DPP10: variants seen among roughly 807,000 people sequenced by gnomAD.
DPP10 encodes the protein dipeptidyl peptidase like 10.
In DPP10, 33 loss-of-function variants were observed where a neutral mutation model predicts 120.9. The observed-to-expected ratio is 0.27, with a 90% CI of 0.21 to 0.37. The LOEUF (loss-of-function observed/expected upper bound fraction) is 0.37. Among genes scored for constraint, DPP10 ranks in the 10% least tolerant of loss-of-function variants. The pLI is 1.00. For synonymous variants in DPP10, 337 were observed against 326.1 expected, an observed-to-expected ratio of 1.03 and a Z score of -0.36; for missense variants, 816 against 942.8, an observed-to-expected ratio of 0.87 and a Z score of 1.76.
intron 24 of DPP10, among the ~76,000 whole-genome samples, chr2:115,838,722 A>G (rs1689785120): frequency 6.6e-6 from 1 of 152,156 alleles, no homozygotes; most frequent in Admixed American, 6.5e-5. Context: ...ATCTAATAAA[A>G]TACAAGCAGA....
In DPP10 at chr2:114,686,318, C is replaced by T. The variant is rs544293211; in HGVS notation, c.60+243480C>T. On this transcript the variant is annotated intron_variant, in intron 1 of 25. Coordinates refer to ENST00000410059, the MANE Select transcript of DPP10 (RefSeq NM_020868.6). ...TTTAAAAGGTTAGTGGATTGAGGTA[C>T]ATATGTAAAGTTATCTATTGGTTTG... Among the ~76,000 whole-genome samples the T allele has an allele frequency of 3.1e-4, 47 of 151,942 alleles. 1 individual carries two copies. Among genetic ancestry groups the T allele is most frequent in the African/African-American group, 8.9e-4 (37 of 41,470 alleles).
chr2:115,599,902 A>G (rs1276632440), intron 5 of DPP10, among the ~76,000 whole-genome samples: 1 of 152,076 alleles, frequency 6.6e-6, no homozygotes, highest in Non-Finnish European at 1.5e-5. Context: ...TTTGCCCACC[A>G]TCCTCCATTC....
chr2:114,821,649 A>G (rs544576744), intron 1 of DPP10, among the ~76,000 whole-genome samples: 1 of 152,274 alleles, frequency 6.6e-6, no homozygotes, highest in African/African-American at 2.4e-5. Context: ...ACAAAAAGGA[A>G]GTTAGTTACT....
At chr2:115,484,977 A>G (rs2075679717) in intron 3 of DPP10, among the ~76,000 whole-genome samples, 1 of 152,132 alleles carries the variant, frequency 6.6e-6, no homozygotes, top group Non-Finnish European at 1.5e-5. Context: ...AGGCTGAGGC[A>G]GGAGAATCGC....
chr2:114,679,134 A>G lies in DPP10; in HGVS notation c.60+236296A>G, dbSNP rs546896774. ...ACACCCCAGTGGTTCATGAAACTCT[A>G]ATGCATGGCAGTTGTTTGAGAGGAT... On this transcript the variant is annotated intron_variant, in intron 1 of 25. Coordinates refer to ENST00000410059, the MANE Select transcript of DPP10 (RefSeq NM_020868.6). Among the ~76,000 whole-genome samples, 7 of 152,202 alleles carry G rather than the reference A, an allele frequency of 4.6e-5. No homozygotes were observed. The South Asian group carries it at 1.4e-3, about 31-fold the overall frequency.
At chr2:115,189,636 T>C (rs904992659) in intron 1 of DPP10, among the ~76,000 whole-genome samples, 9 of 152,166 alleles carry the variant, frequency 5.9e-5, no homozygotes, top group African/African-American at 2.2e-4. Context: ...TTCCTTAACA[T>C]GACTTGGCTT....
At chr2:115,043,523 A>T (rs543595771) in intron 1 of DPP10, among the ~76,000 whole-genome samples, 17 of 152,186 alleles carry the variant, frequency 1.1e-4, no homozygotes, top group African/African-American at 3.6e-4. Context: ...TCAGTGGCTG[A>T]TGCCTACCGT....
chr2:115,223,482 A>G (rs1574067717), intron 1 of DPP10, among the ~76,000 whole-genome samples: 2 of 152,156 alleles, frequency 1.3e-5, no homozygotes, highest in Admixed American at 6.6e-5. Flanking sequence ...TAAAGTATAT[A>G]TAGGAAACTA....
intron 19 of DPP10, among the ~76,000 whole-genome samples, chr2:115,809,181 A>G (rs1686354756): frequency 6.6e-6 from 1 of 152,196 alleles, no homozygotes; most frequent in Admixed American, 6.5e-5. Context: ...AAATCCATCT[A>G]TGAGAAGAAA....
intron 1 of DPP10, among the ~76,000 whole-genome samples, chr2:114,872,948 G>C (rs1349772688): frequency 6.6e-6 from 1 of 152,170 alleles, no homozygotes; most frequent in African/African-American, 2.4e-5. Context: ...GTGGGGACTA[G>C]CTATCCAACA....
At chr2:115,564,764 AT>A (rs2080896272) in intron 5 of DPP10, among the ~76,000 whole-genome samples, 1 of 152,240 alleles carries the variant, frequency 6.6e-6, no homozygotes, top group South Asian at 2.1e-4. Flanking sequence ...CACATTAAAA[AT>A]ATTGACATTT....
At chr2:115,154,494 T>C (rs2051765471) in intron 1 of DPP10, among the ~76,000 whole-genome samples, 1 of 152,248 alleles carries the variant, frequency 6.6e-6, no homozygotes, top group East Asian at 1.9e-4. Context: ...TTCAGAGGAA[T>C]ATCAAGACTA....
intron 5 of DPP10, among the ~76,000 whole-genome samples, chr2:115,671,338 T>G (rs2089857718): frequency 6.6e-6 from 1 of 151,914 alleles, no homozygotes. Context: ...ATTTTTTGGT[T>G]TGCATTGACT....
chr2:114,989,011 A>G (rs575758129), intron 1 of DPP10, among the ~76,000 whole-genome samples: 1 of 152,324 alleles, frequency 6.6e-6, no homozygotes, highest in African/African-American at 2.4e-5. Context: ...TAAAATTACT[A>G]TAGAGTGGTA....
chr2:114,477,877 ATG>A (rs1680602823), intron 1 of DPP10, among the ~76,000 whole-genome samples: 1 of 122,764 alleles, frequency 8.1e-6, no homozygotes, highest in Non-Finnish European at 1.9e-5. Context: ...ATGTACATAT[ATG>A]TGTATATATG....
At chr2:115,151,491 T>C (rs1044360847) in intron 1 of DPP10, among the ~76,000 whole-genome samples, 1 of 150,442 alleles carries the variant, frequency 6.6e-6, no homozygotes, top group East Asian at 2.0e-4. Context: ...CACTGCAACC[T>C]CTGCCGCCTG....
chr2:114,719,040 T>C (rs145568868), intron 1 of DPP10, among the ~76,000 whole-genome samples: 2 of 152,360 alleles, frequency 1.3e-5, no homozygotes, highest in African/African-American at 2.4e-5. Flanking sequence ...TTCAAAGTTC[T>C]AGTCTGAGAT....
chr2:115,604,079 GT>G (rs201075278), intron 5 of DPP10, among the ~76,000 whole-genome samples: 2 of 148,366 alleles, frequency 1.3e-5, no homozygotes, highest in African/African-American at 5.0e-5. Flanking sequence ...CCTTCTAGCT[GT>G]TTTTTTTTTT....
At chr2:114,681,645 G>A (rs1699034695) in intron 1 of DPP10, among the ~76,000 whole-genome samples, 1 of 151,974 alleles carries the variant, frequency 6.6e-6, no homozygotes, top group East Asian at 1.9e-4. Context: ...GGGAATATCT[G>A]TGCATTGAAA....
Sources: gnomAD v4.1 joint callset for allele counts (sites outside exome capture counted in the v4.1 genomes callset) on GRCh38, gnomAD v4.1.1 for gene constraint, MANE v1.5 for transcripts, NCBI Gene and HGNC (gene_info 2026-07-23, HGNC 2026-07-21) for gene names.